The following ADGRL3 variants were observed in gnomAD, a reference collection of about 807,000 sequenced individuals.
ADGRL3 encodes calcium-independent alpha-latrotoxin receptor 3.
A neutral mutation model predicts 153.5 loss-of-function variants in ADGRL3; 62 were observed. That is an observed-to-expected ratio of 0.40 (90% CI 0.33 to 0.50). The LOEUF (loss-of-function observed/expected upper bound fraction) is 0.50, where lower values mean the gene tolerates loss of function less well. ADGRL3 is among the 20% of genes least tolerant of loss of function. The pLI is 0.47. For missense variants in ADGRL3, 1,641 were observed against 1,859.4 expected (o/e 0.88, Z 2.16); for synonymous variants, 710 against 672.5 (o/e 1.06, Z -0.86).
At chr4:61,854,577 G>A (rs563934397) in intron 9 of ADGRL3, among the ~76,000 whole-genome samples, 14 of 152,298 alleles carry the variant, frequency 9.2e-5, no homozygotes, top group African/African-American at 2.2e-4. Flanking sequence ...GAGTAAATAC[G>A]TGAAGGAGAA....
intron 9 of ADGRL3, among the ~76,000 whole-genome samples, chr4:61,871,987 A>C (rs1028337155): frequency 1.3e-5 from 2 of 152,166 alleles, no homozygotes; most frequent in African/African-American, 2.4e-5. Context: ...CTAACATCCA[A>C]ATATTTGACT....
intron 5 of ADGRL3, among the ~76,000 whole-genome samples, chr4:61,638,730 G>A (rs1010715362): frequency 2.0e-5 from 3 of 152,054 alleles, no homozygotes; most frequent in Non-Finnish European, 4.4e-5. Context: ...AACAGGAAAG[G>A]CTCAGTATAA....
intron 4 of ADGRL3, 36 bp from the exon 5 acceptor site, chr4:61,587,189 AAC>A: frequency 7.0e-7 from 1 of 1,420,608 alleles, no homozygotes; most frequent in Non-Finnish European, 9.7e-7. Context: ...TGTATGTAGT[AAC>A]GATGGCATCT....
At position 61,947,089 on chromosome 4, in the gene ADGRL3, T is replaced by C. The variant is rs1419480782; in HGVS notation, c.2595T>C (p.Ala865=). 5 of 1,613,742 alleles carry C rather than the reference T, an allele frequency of 3.1e-6. No individual in the cohort carries two copies. In the East Asian group the frequency reaches 1.1e-4, roughly 36 times the overall value. Residue 865 remains alanine (A), a synonymous_variant, in exon 16 of 27, where the codon GCT becomes GCC. Coordinates refer to ENST00000683033, the MANE Select transcript of ADGRL3 (RefSeq NM_001387552.1). ...AGTTCAGTAACAAGGTTTATTTGGC[T>C]GATCCTGTGGTATTTACTGTTAAAC... is the stretch of plus-strand genomic sequence containing the variant. ...NKEFSNKVYL[A]DPVVFTVKHI... is the part of the protein sequence containing the mutation.
At chr4:61,520,404 G>C (rs958334388) in intron 4 of ADGRL3, among the ~76,000 whole-genome samples, 1 of 152,094 alleles carries the variant, frequency 6.6e-6, no homozygotes, top group African/African-American at 2.4e-5. Context: ...TGCCAAACCA[G>C]TACAACTTTT....
intron 1 of ADGRL3, among the ~76,000 whole-genome samples, chr4:61,351,443 C>A (rs1446075211): frequency 2.0e-5 from 3 of 152,178 alleles, no homozygotes; most frequent in African/African-American, 7.2e-5. Flanking sequence ...AAAAGATTTT[C>A]AATGTGGACA....
At chr4:61,588,600 C>T (rs1195190720) in intron 5 of ADGRL3, among the ~76,000 whole-genome samples, 1 of 151,928 alleles carries the variant, frequency 6.6e-6, no homozygotes, top group Non-Finnish European at 1.5e-5. Flanking sequence ...AATGATGGCT[C>T]ATGCTAAGGT....
intron 5 of ADGRL3, among the ~76,000 whole-genome samples, chr4:61,624,573 T>C (rs1298910709): frequency 6.6e-6 from 1 of 152,090 alleles, no homozygotes; most frequent in Non-Finnish European, 1.5e-5. Context: ...AAATGTTTAT[T>C]ATATGTAACA....
chr4:61,328,360 T>C (rs769366487), intron 1 of ADGRL3, among the ~76,000 whole-genome samples: 7 of 152,138 alleles, frequency 4.6e-5, no homozygotes, highest in Non-Finnish European at 1.0e-4. Context: ...TAGGAACTAG[T>C]GATGCTTTCC....
At chr4:61,269,038 A>G (rs972440784) in intron 1 of ADGRL3, among the ~76,000 whole-genome samples, 2 of 151,726 alleles carry the variant, frequency 1.3e-5, no homozygotes, top group African/African-American at 4.8e-5. Context: ...TAGGTCAGAC[A>G]TAATGGATTC....
At chr4:61,748,917 ACAGGC>A (rs1402369467) in intron 8 of ADGRL3, among the ~76,000 whole-genome samples, 3 of 151,424 alleles carry the variant, frequency 2.0e-5, no homozygotes, top group African/African-American at 7.3e-5. Flanking sequence ...ATCAGAGTGA[ACAGGC>A]AACCTACAAA....
intron 3 of ADGRL3, among the ~76,000 whole-genome samples, chr4:61,504,491 A>T (rs1482027496): frequency 6.6e-6 from 1 of 152,166 alleles, no homozygotes; most frequent in East Asian, 1.9e-4. Context: ...ATTTTTATTT[A>T]TATGTGTTAG....
chr4:61,313,577 C>G (rs555641367), intron 1 of ADGRL3, among the ~76,000 whole-genome samples: 1 of 152,078 alleles, frequency 6.6e-6, no homozygotes, highest in South Asian at 2.1e-4. Flanking sequence ...TGATCTTAAG[C>G]GAAAACAATG....
intron 6 of ADGRL3, among the ~76,000 whole-genome samples, chr4:61,692,528 C>T (rs941579055): frequency 3.5e-4 from 53 of 151,592 alleles, no homozygotes; most frequent in Admixed American, 3.1e-3. Flanking sequence ...CTGCAACTTC[C>T]ACCTCTCAGG....
At chr4:61,928,300 C>T (rs1261417166) in intron 13 of ADGRL3, among the ~76,000 whole-genome samples, 2 of 152,072 alleles carry the variant, frequency 1.3e-5, no homozygotes, top group Non-Finnish European at 2.9e-5. Context: ...TCAACTTGCT[C>T]ATTATGTACT....
chr4:61,371,577 G>C (rs1258502164), intron 1 of ADGRL3, among the ~76,000 whole-genome samples: 15 of 152,106 alleles, frequency 9.9e-5, no homozygotes, highest in Admixed American at 3.3e-4. Flanking sequence ...CTTCTGGCTT[G>C]TAGGGTTTCT....
At chr4:61,991,115 A>T (rs1341179565) in intron 19 of ADGRL3, among the ~76,000 whole-genome samples, 1 of 151,868 alleles carries the variant, frequency 6.6e-6, no homozygotes, top group African/African-American at 2.4e-5. Context: ...ATTAAATTAG[A>T]CCTCTTATTA....
At chr4:61,817,879 AT>A (rs899300836) in intron 9 of ADGRL3, among the ~76,000 whole-genome samples, 1 of 152,106 alleles carries the variant, frequency 6.6e-6, no homozygotes, top group Admixed American at 6.5e-5. Flanking sequence ...TGCCCCCATG[AT>A]TCAATTATTT....
chr4:61,854,292 A>C (rs2098239589), intron 9 of ADGRL3, among the ~76,000 whole-genome samples: 1 of 152,186 alleles, frequency 6.6e-6, no homozygotes, highest in Non-Finnish European at 1.5e-5. Context: ...TCTAATAAAA[A>C]CACCAGCCTC....
Sources: gnomAD v4.1 joint callset for allele counts (sites outside exome capture counted in the v4.1 genomes callset) on GRCh38, gnomAD v4.1.1 for gene constraint, MANE v1.5 for transcripts, NCBI Gene and HGNC (gene_info 2026-07-23, HGNC 2026-07-21) for gene names.